The following NRN1 variants were observed in gnomAD, a reference collection of about 807,000 sequenced individuals.
NRN1 encodes the protein neuritin 1.
NRN1 carries 4 observed loss-of-function variants against 15.0 expected under a neutral mutation model. That is an observed-to-expected ratio of 0.27 (90% CI 0.13 to 0.61). NRN1 has a LOEUF of 0.61. NRN1 is among the 20% of genes least tolerant of loss of function. The pLI, the probability that NRN1 is intolerant of heterozygous loss-of-function variation, is 0.87. For synonymous variants in NRN1, 85 were observed against 79.8 expected (o/e 1.07, Z -0.35); for missense variants, 134 against 181.9 (o/e 0.74, Z 1.51).
rs1315201129 is a variant in NRN1, at chr6:5,998,947, T to C, written c.*29A>G. 9 of 1,541,378 alleles carry C rather than the reference T, an allele frequency of 5.8e-6. No individual in the cohort carries two copies. The Admixed American group carries it at 1.6e-4, about 27-fold the overall frequency. ...TCCGGGAGCATGGAGTGAGTGTGGG[T>C]GGGCGCGCGGGGGGAGCTGGCCCCA... On this transcript the variant is annotated 3_prime_UTR_variant, in exon 3 of 3. Coordinates refer to ENST00000244766, the MANE Select transcript of NRN1 (RefSeq NM_016588.3).
intron 1 of NRN1, chr6:6,002,818 C>T (rs1757992944): frequency 2.3e-6 from 1 of 437,060 alleles, no homozygotes; most frequent in Non-Finnish European, 4.1e-6. Context: ...ATCGCCCCCT[C>T]TTCTCACCTC....
intron 2 of NRN1, 39 bp downstream of exon 2, chr6:6,002,314 C>T (rs779870335): frequency 6.2e-7 from 1 of 1,609,384 alleles, no homozygotes; most frequent in Admixed American, 1.7e-5. Flanking sequence ...CAGTAGCGCC[C>T]CCAAAACCGA....
At chr6:6,004,297 T>C (rs377621926) in intron 1 of NRN1, among the ~76,000 whole-genome samples, 143 of 152,338 alleles carry the variant, frequency 9.4e-4, no homozygotes, top group African/African-American at 3.2e-3. Flanking sequence ...TTTGTTCTGA[T>C]AGAGCTCGTT....
In NRN1 at chr6:6,002,582, CGCGGCCTCATCGCATCGG is replaced by C. The variant is rs1298931279; in HGVS notation, c.56-103_56-86del. 13 of 1,533,394 alleles carry C rather than the reference CGCGGCCTCATCGCATCGG, an allele frequency of 8.5e-6. No homozygotes were observed. The East Asian group carries it at 1.4e-4, about 16-fold the overall frequency. 95.0% of individuals were successfully genotyped at this position (1,533,394 alleles called of 1,614,324 possible). A position where few individuals can be genotyped will look rare whatever the true frequency, so the allele number is the denominator to read the frequency against. ...CCTTTCCTGCGAGACCCTGGCTCCG[CGCGGCCTCATCGCATCGG>C]GCGGCCTCTCCCAGCGCCCAGCCTC... On this transcript the variant is annotated intron_variant, in intron 1 of 2. Coordinates refer to ENST00000244766, the MANE Select transcript of NRN1 (RefSeq NM_016588.3).
At chr6:6,006,213 G>T (rs1025743207) in intron 1 of NRN1, among the ~76,000 whole-genome samples, 1 of 152,138 alleles carries the variant, frequency 6.6e-6, no homozygotes, top group Non-Finnish European at 1.5e-5. Context: ...GAGGAGGGGC[G>T]GGAGAATGAC....
intron 1 of NRN1, chr6:6,002,732 TG>T: frequency 3.5e-6 from 2 of 565,554 alleles, no homozygotes; most frequent in South Asian, 4.3e-5. Context: ...CAGGTGTGGG[TG>T]GGTGGGAGGT....
chr6:6,003,243 G>A, intron 1 of NRN1: 4 of 1,234,578 alleles, frequency 3.2e-6, no homozygotes, highest in Non-Finnish European at 3.0e-6. Flanking sequence ...CAGCCTGGAC[G>A]TCCTGAGACC....
chr6:6,001,040 A>G (rs1033778507), intron 2 of NRN1, among the ~76,000 whole-genome samples: 1 of 152,236 alleles, frequency 6.6e-6, no homozygotes, highest in Non-Finnish European at 1.5e-5. Context: ...CCTTATAGAT[A>G]TACATTCTTA....
chr6:6,004,696 C>T (rs564327403), intron 1 of NRN1, among the ~76,000 whole-genome samples: 1 of 152,334 alleles, frequency 6.6e-6, no homozygotes, highest in South Asian at 2.1e-4. Flanking sequence ...ATTTTGCAGG[C>T]GCACGCGTCC....
chr6:6,006,917 CAGAAAGAGAGAGAGAGAG>C (rs1392651289), exon 1 of NRN1: 3 of 328,658 alleles, frequency 9.1e-6, no homozygotes, highest in Admixed American at 9.0e-5. Flanking sequence ...GAGGAAGAGA[CAGAAAGAGAGAGAGAGAG>C]AGAAAGAGAG....
chr6:5,999,314 G>C (rs1377375403), intron 2 of NRN1, 110 bp from the exon 3 acceptor site: 1 of 883,540 alleles, frequency 1.1e-6, no homozygotes, highest in East Asian at 2.6e-5. Context: ...AACTTCCCGG[G>C]GTGTCCCCTC....
chr6:6,005,472 C>T (rs1351510688), intron 1 of NRN1, among the ~76,000 whole-genome samples: 2 of 152,228 alleles, frequency 1.3e-5, no homozygotes, highest in Non-Finnish European at 2.9e-5. Context: ...ATCTCAAAAT[C>T]ATGTCAGTTG....
At position 5,999,216 on chromosome 6, in the gene NRN1, C is replaced by G; in HGVS notation, c.201-12G>C. 2.5e-6 allele frequency: 4 copies of G among 1,595,258 alleles called. No homozygotes were observed. The highest frequency in any genetic ancestry group is 3.4e-6 in the Non-Finnish European group (4 of 1,164,688). On this transcript the variant is annotated splice_polypyrimidine_tract_variant and intron_variant, in intron 2 of 2. Coordinates refer to ENST00000244766, the MANE Select transcript of NRN1 (RefSeq NM_016588.3). Reference sequence around the variant, plus strand: ...AATCCTCCCAGTATCTGGTGAGGAACAGAACAAAACAGAACAAGCAGGTTC... The same window carrying G: ...AATCCTCCCAGTATCTGGTGAGGAAGAGAACAAAACAGAACAAGCAGGTTC...
In NRN1 at chr6:6,006,891, G is replaced by C; in HGVS notation, c.-142C>G. 1 of 574,014 alleles carries C rather than the reference G, an allele frequency of 1.7e-6. No individual in the cohort carries two copies. Among genetic ancestry groups the C allele is most frequent in the South Asian group, 1.7e-5 (1 of 59,968 alleles). The allele number at this position is 574,014 out of a possible 1,614,324, so 35.6% of individuals were successfully genotyped here. On this transcript the variant is annotated 5_prime_UTR_variant, in exon 1 of 3. Transcript: ENST00000244766. ...ATGCACTGGGAAGGCAGAGGGAGGA[G>C]AGAAAGAGAGGGAGCGAGGAAGAGA...
rs924349552 is a variant in NRN1 at position 6,006,591 on chromosome 6, C to T, written c.55+104G>A. ...ACCCTCGGGGGATTGCCGGCTTCTC[C>T]GCACCCTGGGGCGGCCGCGGACCCG... On this transcript the variant is annotated intron_variant, in intron 1 of 2. Transcript: ENST00000244766. 6.2e-5 allele frequency: 67 copies of T among 1,084,726 alleles called. 1 individual carries two copies. The Middle Eastern group carries it at 1.4e-3, about 23-fold the overall frequency. 67.2% of individuals were successfully genotyped at this position (1,084,726 alleles called of 1,614,324 possible). A position where few individuals can be genotyped will look rare whatever the true frequency, so the allele number is the denominator to read the frequency against.
chr6:6,003,257 C>T (rs1287333966), intron 1 of NRN1: 2 of 1,234,388 alleles, frequency 1.6e-6, no homozygotes, highest in African/African-American at 1.6e-5. Flanking sequence ...TGAGACCTGG[C>T]GCGGATGATG....
At chr6:6,005,229 T>C (rs1160936618) in intron 1 of NRN1, among the ~76,000 whole-genome samples, 1 of 152,094 alleles carries the variant, frequency 6.6e-6, no homozygotes, top group African/African-American at 2.4e-5. Flanking sequence ...AACAACTCTC[T>C]CTCCTGCTCT....
intron 1 of NRN1, chr6:6,003,224 G>C (rs1484093049): frequency 8.1e-7 from 1 of 1,234,332 alleles, no homozygotes; most frequent in African/African-American, 1.6e-5. Flanking sequence ...CGCCCCGCTG[G>C]AAAGAGGGCA....
At chr6:6,003,913 C>G (rs1387401113) in intron 1 of NRN1, 5 of 1,229,494 alleles carry the variant, frequency 4.1e-6, no homozygotes, top group Middle Eastern at 2.9e-4. Flanking sequence ...TCCTCGGCAG[C>G]TTTCTGGCGG....
Sources: allele counts gnomAD v4.1 joint callset (sites outside exome capture counted in the v4.1 genomes callset), GRCh38; gene constraint gnomAD v4.1.1; transcripts MANE v1.5; gene names NCBI Gene and HGNC (gene_info 2026-07-23, HGNC 2026-07-21).